DGKG: variants seen among roughly 807,000 people sequenced by gnomAD.
The protein encoded by DGKG is DAG kinase gamma.
DGKG carries 78 observed loss-of-function variants against 105.3 expected under a neutral mutation model. That is an observed-to-expected ratio of 0.74 (90% CI 0.62 to 0.89). DGKG has a LOEUF of 0.89. Among genes scored for constraint, DGKG ranks in the 40% least tolerant of loss-of-function variants. The pLI, the probability that DGKG is intolerant of heterozygous loss-of-function variation, is 0.00. For missense variants in DGKG, 958 were observed against 1,020.1 expected (o/e 0.94, Z 0.83); for synonymous variants, 346 against 367.1 (o/e 0.94, Z 0.66).
intron 23 of DGKG, among the ~76,000 whole-genome samples, chr3:186,164,667 A>T (rs1716450577): frequency 6.6e-6 from 1 of 152,230 alleles, no homozygotes; most frequent in Non-Finnish European, 1.5e-5. Context: ...TCACCAGCTC[A>T]GTTTAACAGA....
chr3:186,268,969 G>A (rs781289269), intron 11 of DGKG, 52 bp from the exon 12 acceptor site: 3 of 1,339,936 alleles, frequency 2.2e-6, no homozygotes, highest in Admixed American at 1.7e-5. Context: ...CCATGTCCCC[G>A]GGGCCCTGGG....
intron 13 of DGKG, among the ~76,000 whole-genome samples, chr3:186,265,639 C>G (rs1054773692): frequency 1.4e-5 from 2 of 143,124 alleles, no homozygotes; most frequent in Non-Finnish European, 3.0e-5. Context: ...GACTTGGCGA[C>G]TTGGCTTTTC....
chr3:186,315,705 T>C (rs962965213), intron 2 of DGKG, among the ~76,000 whole-genome samples: 9 of 152,188 alleles, frequency 5.9e-5, no homozygotes, highest in African/African-American at 2.2e-4. Context: ...GCTATGCTTC[T>C]GAAGAGTACA....
rs144371626 is a variant in DGKG at position 186,253,353 on chromosome 3, G to A, written c.1511-171C>T. Among the ~76,000 whole-genome samples the A allele has an allele frequency of 5.9e-3, 899 of 152,272 alleles. 9 individuals are homozygous for A. Among genetic ancestry groups the A allele is most frequent in the African/African-American group, 0.019 (786 of 41,552 alleles). ...TAAAGCCATCTATCCCATCTGCAGC[G>A]TGTTAACCACCACTAATTGAGTTAA... On this transcript the variant is annotated intron_variant, in intron 17 of 24. Coordinates refer to ENST00000265022, the MANE Select transcript of DGKG (RefSeq NM_001346.3).
intron 8 of DGKG, among the ~76,000 whole-genome samples, chr3:186,280,216 G>A (rs1560131273): frequency 6.6e-6 from 1 of 152,178 alleles, no homozygotes; most frequent in African/African-American, 2.4e-5. Flanking sequence ...CTGTAAAAAT[G>A]GAAATAATAT....
At chr3:186,249,838 A>G (rs191944379) in intron 19 of DGKG, among the ~76,000 whole-genome samples, 1 of 152,074 alleles carries the variant, frequency 6.6e-6, no homozygotes, top group Admixed American at 6.5e-5. Flanking sequence ...TCTCAAAAAC[A>G]AAACAAAACA....
chr3:186,171,225 C>T (rs1266270624), intron 22 of DGKG, among the ~76,000 whole-genome samples: 1 of 152,166 alleles, frequency 6.6e-6, no homozygotes, highest in Non-Finnish European at 1.5e-5. Context: ...ATCTTTGTAT[C>T]TCTAGCAACT....
At chr3:186,270,125 A>C (rs1369912684) in intron 11 of DGKG, among the ~76,000 whole-genome samples, 3 of 84,524 alleles carry the variant, frequency 3.5e-5, no homozygotes, top group African/African-American at 1.6e-4. Flanking sequence ...TGTATTAAAT[A>C]AGAATAAACG....
At chr3:186,171,901 G>A (rs775390961) in intron 22 of DGKG, among the ~76,000 whole-genome samples, 2 of 151,812 alleles carry the variant, frequency 1.3e-5, no homozygotes, top group Non-Finnish European at 2.9e-5. Context: ...TGTCTCCCAG[G>A]CTGGAGTGCA....
At chr3:186,251,610 G>GC (rs1440575694) in intron 19 of DGKG, 149 bp downstream of exon 19, 2 of 793,912 alleles carry the variant, frequency 2.5e-6, no homozygotes, top group Admixed American at 5.1e-5. Flanking sequence ...CCACACTCAG[G>GC]CCAAGTTTCA....
chr3:186,156,335 G>A (rs1029197397), intron 24 of DGKG, among the ~76,000 whole-genome samples: 2 of 151,924 alleles, frequency 1.3e-5, no homozygotes, highest in African/African-American at 2.4e-5. Flanking sequence ...TTTCTGAAAC[G>A]CAATTTCTTG....
intron 22 of DGKG, among the ~76,000 whole-genome samples, chr3:186,179,543 C>A (rs9841224): frequency 0.68 from 103,772 of 152,040 alleles, 35,954 homozygotes; most frequent in East Asian, 0.93. Context: ...GGAACAAAAT[C>A]ATATCTACAT....
intron 19 of DGKG, among the ~76,000 whole-genome samples, chr3:186,249,847 C>G (rs1721122212): frequency 6.6e-6 from 1 of 152,000 alleles, no homozygotes; most frequent in Non-Finnish European, 1.5e-5. Flanking sequence ...CAAAACAAAA[C>G]AAAACAAAAC....
In DGKG at chr3:186,183,997, C is replaced by A. The variant is rs764981911; in HGVS notation, c.2095+4205G>T. 1.3e-3 allele frequency among the ~76,000 whole-genome samples: 198 copies of A among 152,340 alleles called. 1 individual carries two copies. Among genetic ancestry groups the A allele is most frequent in the Admixed American group, 5.0e-3 (76 of 15,302 alleles). ...GGGATTACAGGCGTGAGCCACCATG[C>A]CCGGCTGAGCTCTGCTCTTTCTTAG... On this transcript the variant is annotated intron_variant, in intron 22 of 24. Transcript: ENST00000265022.
At chr3:186,353,887 G>C (rs1726776896) in intron 1 of DGKG, among the ~76,000 whole-genome samples, 1 of 152,080 alleles carries the variant, frequency 6.6e-6, no homozygotes, top group South Asian at 2.1e-4. Flanking sequence ...ATTAAAGAAT[G>C]GTGTGGTCTT....
chr3:186,262,772 T>C (rs1721835778), intron 14 of DGKG, among the ~76,000 whole-genome samples: 1 of 152,148 alleles, frequency 6.6e-6, no homozygotes, highest in Non-Finnish European at 1.5e-5. Context: ...ATGGGTCTGC[T>C]CGTGCTTGTT....
rs574867153 is a variant in DGKG at position 186,260,642 on chromosome 3, G to A, written c.1350-129C>T. ...AGGGATGAGGGTTCATTTAAACCCC[G>A]GAGGGGAGGGCACTGCCTGCTGACC... On this transcript the variant is annotated intron_variant, in intron 15 of 24. Coordinates refer to ENST00000265022, the MANE Select transcript of DGKG (RefSeq NM_001346.3). 1.3e-5 allele frequency: 9 copies of A among 712,328 alleles called. No homozygotes were observed. In the East Asian group the frequency reaches 1.3e-4, roughly 11 times the overall value. 44.1% of individuals were successfully genotyped at this position (712,328 alleles called of 1,614,324 possible).
chr3:186,301,343 A>G (rs970651951), intron 3 of DGKG, among the ~76,000 whole-genome samples: 1 of 152,152 alleles, frequency 6.6e-6, no homozygotes, highest in African/African-American at 2.4e-5. Flanking sequence ...AAAACTTTCC[A>G]TGTGACGGGT....
intron 1 of DGKG, among the ~76,000 whole-genome samples, chr3:186,327,113 A>G (rs1247972579): frequency 2.0e-5 from 3 of 152,160 alleles, no homozygotes; most frequent in Non-Finnish European, 4.4e-5. Flanking sequence ...GCACTGAACT[A>G]TAATTGCACC....
Sources: gnomAD v4.1 joint callset for allele counts (sites outside exome capture counted in the v4.1 genomes callset) on GRCh38, gnomAD v4.1.1 for gene constraint, MANE v1.5 for transcripts, NCBI Gene and HGNC (gene_info 2026-07-23, HGNC 2026-07-21) for gene names.